The following LAMC1 variants were observed in gnomAD, a reference collection of about 807,000 sequenced individuals.
LAMC1 encodes the protein laminin subunit gamma-1.
A neutral mutation model predicts 173.6 loss-of-function variants in LAMC1; 38 were observed. The observed-to-expected ratio is 0.22, with a 90% CI of 0.17 to 0.29. The LOEUF (loss-of-function observed/expected upper bound fraction) is 0.29, where lower values mean the gene tolerates loss of function less well. Among genes scored for constraint, LAMC1 ranks in the 10% least tolerant of loss-of-function variants. The pLI, the probability that LAMC1 is intolerant of heterozygous loss-of-function variation, is 1.00. For missense variants in LAMC1, 1,824 were observed against 2,051.8 expected (o/e 0.89, Z 2.14); for synonymous variants, 746 against 749.1 (o/e 1.00, Z 0.07).
Position 183,136,578 on chromosome 1 carries a change from T to C in LAMC1, c.4307T>C (p.Val1436Ala), listed in dbSNP as rs761411416. The C allele has an allele frequency of 2.5e-6, 4 of 1,600,458 alleles. No homozygotes were observed. ...AHEAERIASA[V>A]QKNATSTKAE... Reference sequence around the variant, plus strand: ...GAGGCGGAGAGGATCGCGAGCGCTGTCCAAAAGGTGTGCGTTTCCTCTTCT... The same window carrying C: ...GAGGCGGAGAGGATCGCGAGCGCTGCCCAAAAGGTGTGCGTTTCCTCTTCT... Residue 1436 changes from valine to alanine, a missense_variant, in exon 25 of 28, where the codon GTC becomes GCC. Transcript: ENST00000258341.
intron 1 of LAMC1, 26 bp from the exon 2 acceptor site, chr1:183,103,302 T>C (rs754360336): frequency 4.4e-6 from 7 of 1,599,052 alleles, no homozygotes; most frequent in East Asian, 4.5e-5. Context: ...GTATGATTTA[T>C]GACCTTTGAT....
intron 1 of LAMC1, among the ~76,000 whole-genome samples, chr1:183,083,856 A>G (rs1219151299): frequency 6.6e-6 from 1 of 152,068 alleles, no homozygotes; most frequent in African/African-American, 2.4e-5. Context: ...AATTTCCCAT[A>G]TATTATATTA....
At chr1:183,076,867 A>AC (rs1571424694) in intron 1 of LAMC1, among the ~76,000 whole-genome samples, 1 of 152,210 alleles carries the variant, frequency 6.6e-6, no homozygotes, top group Non-Finnish European at 1.5e-5. Flanking sequence ...TCTCTTAGAG[A>AC]CCCCACTGTG....
At chr1:183,049,128 C>G (rs1654342950) in intron 1 of LAMC1, among the ~76,000 whole-genome samples, 1 of 152,196 alleles carries the variant, frequency 6.6e-6, no homozygotes, top group African/African-American at 2.4e-5. Context: ...GGAGCAAATT[C>G]TCCAAGTTTT....
chr1:183,144,466 GA>G lies in LAMC1; in HGVS notation c.*1678del, dbSNP rs1234705363. 1 of 152,500 alleles carries G rather than the reference GA, an allele frequency of 6.6e-6. No individual in the cohort carries two copies. Among genetic ancestry groups the G allele is most frequent in the Non-Finnish European group, 1.5e-5 (1 of 68,020 alleles). 9.4% of individuals were successfully genotyped at this position (152,500 alleles called of 1,614,324 possible). ...AGAATTCTTTGGATTGTACTCCAAA[GA>G]ATTGTGCCTTGTGTTTGCAGCATCT... On this transcript the variant is annotated 3_prime_UTR_variant, in exon 28 of 28. Transcript: ENST00000258341.
chr1:183,137,779 A>G lies in LAMC1; in HGVS notation c.4425A>G (p.Leu1475=), dbSNP rs1367392404. 1 of 1,611,830 alleles carries G rather than the reference A, an allele frequency of 6.2e-7. No homozygotes were observed. Residue 1475 remains leucine (L), a synonymous_variant, in exon 26 of 28, where the codon CTA becomes CTG. Transcript: ENST00000258341. ...AACTGCAGGAAGCAGAAAAAGAGCT[A>G]AAGAGAAAACAAGATGACGCTGACC... is the stretch of plus-strand genomic sequence containing the variant. ...LKQLQEAEKE[L]KRKQDDADQD...
chr1:183,125,011 T>C, intron 14 of LAMC1, 135 bp downstream of exon 14: 1 of 1,181,676 alleles, frequency 8.5e-7, no homozygotes, highest in Non-Finnish European at 1.2e-6. Context: ...CTTTTAAAAT[T>C]TTCTAGTCAC....
At chr1:183,052,223 TTCTG>T (rs1396533026) in intron 1 of LAMC1, among the ~76,000 whole-genome samples, 1 of 152,190 alleles carries the variant, frequency 6.6e-6, no homozygotes, top group East Asian at 1.9e-4. Context: ...TTTCTTTCTG[TTCTG>T]TCTTTCACAA....
rs1654266608 is a variant in LAMC1 at position 183,046,296 on chromosome 1, A to G, written c.418+22162A>G. Among the ~76,000 whole-genome samples, 6 of 152,074 alleles carry G rather than the reference A, an allele frequency of 3.9e-5. No individual in the cohort carries two copies. In the South Asian group the frequency reaches 1.2e-3, roughly 32 times the overall value. Reference sequence around the variant, plus strand: ...TTCCAACTTATTCTTCTATTTTAGAAATATCTTAGCTATGTTTAGGCCTGT... The same window carrying G: ...TTCCAACTTATTCTTCTATTTTAGAGATATCTTAGCTATGTTTAGGCCTGT... On this transcript the variant is annotated intron_variant, in intron 1 of 27. Coordinates refer to ENST00000258341, the MANE Select transcript of LAMC1 (RefSeq NM_002293.4).
At chr1:183,057,485 G>A (rs1311582725) in intron 1 of LAMC1, among the ~76,000 whole-genome samples, 1 of 152,194 alleles carries the variant, frequency 6.6e-6, no homozygotes, top group African/African-American at 2.4e-5. Flanking sequence ...AGCTGGCCGG[G>A]TGCCGTGGCT....
chr1:183,098,219 G>A (rs12075989), intron 1 of LAMC1, among the ~76,000 whole-genome samples: 6,927 of 152,234 alleles, frequency 0.046, 340 homozygotes, highest in African/African-American at 0.12. Flanking sequence ...GATGGACAGA[G>A]TAGGGAAGTA....
chr1:183,054,104 C>A (rs1026234057), intron 1 of LAMC1, among the ~76,000 whole-genome samples: 1 of 152,308 alleles, frequency 6.6e-6, no homozygotes, highest in Non-Finnish European at 1.5e-5. Flanking sequence ...TCTGCCACCT[C>A]CAATTTCATT....
intron 13 of LAMC1, among the ~76,000 whole-genome samples, chr1:183,122,681 A>T (rs761310302): frequency 6.6e-6 from 1 of 152,108 alleles, no homozygotes; most frequent in African/African-American, 2.4e-5. Context: ...TGAGACCTGC[A>T]TGCACTACAT....
intron 1 of LAMC1, among the ~76,000 whole-genome samples, chr1:183,030,577 A>G (rs2102006556): frequency 6.6e-6 from 1 of 152,328 alleles, no homozygotes; most frequent in Non-Finnish European, 1.5e-5. Flanking sequence ...TTTATAAGAT[A>G]TATGTCACTG....
intron 5 of LAMC1, among the ~76,000 whole-genome samples, chr1:183,115,143 G>GTTTA (rs2102081555): frequency 6.6e-6 from 1 of 152,128 alleles, no homozygotes; most frequent in East Asian, 1.9e-4. Context: ...TTCTTCAAGA[G>GTTTA]TTTAACCTTT....
At position 183,114,656 on chromosome 1, in the gene LAMC1, C is replaced by T. The variant is rs769528256; in HGVS notation, c.1147C>T (p.Arg383Ter). ...AGATGGCGCCCACTGTGAGAGGTGC[C>T]GAGAGAACTTCTTCCGCCTTGGCAA... ...NTDGAHCERCRENFFRLGNNE... is the reference protein window; with the variant it reads ...NTDGAHCERC The change falls in exon 5 of 28, where the codon CGA becomes TGA. Residue 383 changes from arginine (R) to a stop codon, truncating the protein, a stop_gained. Transcript: ENST00000258341. LOFTEE classifies it high-confidence loss of function. 1.2e-6 allele frequency: 2 copies of T among 1,614,110 alleles called. No homozygotes were observed. The highest frequency in any genetic ancestry group is 2.7e-5 in the African/African-American group (2 of 75,002).
At chr1:183,095,567 C>T (rs186221572) in intron 1 of LAMC1, among the ~76,000 whole-genome samples, 44 of 152,218 alleles carry the variant, frequency 2.9e-4, no homozygotes, top group Admixed American at 7.9e-4. Flanking sequence ...TTTGTGACTC[C>T]GTTAAATCTC....
At chr1:183,041,950 C>T (rs1424659167) in intron 1 of LAMC1, among the ~76,000 whole-genome samples, 1 of 152,110 alleles carries the variant, frequency 6.6e-6, no homozygotes. Flanking sequence ...ATGGAATTTG[C>T]CTTGTAGATA....
intron 1 of LAMC1, among the ~76,000 whole-genome samples, chr1:183,100,052 C>A (rs1467569238): frequency 2.0e-5 from 3 of 152,188 alleles, no homozygotes; most frequent in Non-Finnish European, 4.4e-5. Flanking sequence ...GCAGCTTTGA[C>A]AATGAAACAG....
Sources: allele counts gnomAD v4.1 joint callset (sites outside exome capture counted in the v4.1 genomes callset), GRCh38; gene constraint gnomAD v4.1.1; transcripts MANE v1.5; gene names NCBI Gene and HGNC (gene_info 2026-07-23, HGNC 2026-07-21).